The following RTF1 variants were observed in gnomAD, a reference collection of about 807,000 sequenced individuals.
RTF1 encodes the protein RTF1 homolog, Paf1/RNA polymerase II complex component.
A neutral mutation model predicts 95.7 loss-of-function variants in RTF1; 10 were observed. The observed-to-expected ratio is 0.10, with a 90% CI of 0.06 to 0.18. The LOEUF (loss-of-function observed/expected upper bound fraction) is 0.18. RTF1 is among the 10% of genes least tolerant of loss of function. RTF1 has a pLI of 1.00. For missense variants in RTF1, 458 were observed against 875.6 expected, an observed-to-expected ratio of 0.52 and a Z score of 6.02; for synonymous variants, 305 against 311.8, an observed-to-expected ratio of 0.98 and a Z score of 0.23.
intron 1 of RTF1, among the ~76,000 whole-genome samples, chr15:41,424,071 A>G (rs1039614741): frequency 5.9e-5 from 9 of 152,152 alleles, no homozygotes; most frequent in African/African-American, 2.2e-4. Flanking sequence ...TCATCGTTCA[A>G]CAGATGTATT....
intron 14 of RTF1, 56 bp from the exon 15 acceptor site, chr15:41,478,492 G>A: frequency 2.3e-6 from 3 of 1,301,952 alleles, no homozygotes; most frequent in Non-Finnish European, 3.3e-6. Context: ...TGAGCTTATG[G>A]TGAATGAGAG....
In RTF1 at chr15:41,475,708, C is replaced by A; in HGVS notation, c.1375-4C>A. 1 of 1,606,892 alleles carries A rather than the reference C, an allele frequency of 6.2e-7. No individual in the cohort carries two copies. Among genetic ancestry groups the A allele is most frequent in the South Asian group, 1.1e-5 (1 of 90,818 alleles). ...AATAATCTCGTATCGTGTTTTTGAT[C>A]CAGATGTTCTCTGCTGGCATGCAGT... On this transcript the variant is annotated splice_polypyrimidine_tract_variant and splice_region_variant and intron_variant, in intron 10 of 17. Coordinates refer to ENST00000389629, the MANE Select transcript of RTF1 (RefSeq NM_015138.5).
At position 41,417,178 on chromosome 15, in the gene RTF1, G is replaced by T; in HGVS notation, c.63G>T (p.Leu21=). 7.9e-7 allele frequency: 1 copy of T among 1,264,574 alleles called. No individual in the cohort carries two copies. The highest frequency in any genetic ancestry group is 1.0e-6 in the Non-Finnish European group (1 of 1,000,652). The allele number at this position is 1,264,574 out of a possible 1,614,324, so 78.3% of individuals were successfully genotyped here. Residue 21 remains leucine, a synonymous_variant, in exon 1 of 18, where the codon CTG becomes CTT. Coordinates refer to ENST00000389629, the MANE Select transcript of RTF1 (RefSeq NM_015138.5). ...CGGCGGCGGCAGTGGCGGTCCCACT[G>T]GCAGGCGGGCAAGAGGGGAGTCCGG... ...AAAAAAVAVP[L]AGGQEGSPGG... is the part of the protein sequence containing the mutation.
chr15:41,449,294 G>A (rs562336619), intron 2 of RTF1, among the ~76,000 whole-genome samples: 12 of 142,394 alleles, frequency 8.4e-5, no homozygotes, highest in East Asian at 2.0e-4. Flanking sequence ...GCAGTGGTAC[G>A]AACTCGGCTC....
chr15:41,431,926 G>A (rs918030940), intron 1 of RTF1, among the ~76,000 whole-genome samples: 12 of 151,800 alleles, frequency 7.9e-5, no homozygotes, highest in African/African-American at 2.7e-4. Flanking sequence ...TCAGCCTCCC[G>A]AGTAGCTAGA....
intron 2 of RTF1, among the ~76,000 whole-genome samples, chr15:41,443,929 G>T (rs1207180261): frequency 6.6e-6 from 1 of 151,738 alleles, no homozygotes; most frequent in Non-Finnish European, 1.5e-5. Context: ...TTAGCCGGGC[G>T]TGGTGGCGGG....
chr15:41,434,466 T>G (rs1261164886), intron 1 of RTF1, among the ~76,000 whole-genome samples: 1 of 152,102 alleles, frequency 6.6e-6, no homozygotes, highest in Non-Finnish European at 1.5e-5. Flanking sequence ...TGATTCCATC[T>G]ATATGATGTT....
chr15:41,454,872 C>T (rs1237034431), intron 3 of RTF1, among the ~76,000 whole-genome samples: 1 of 152,080 alleles, frequency 6.6e-6, no homozygotes, highest in African/African-American at 2.4e-5. Flanking sequence ...GTTGCACTAG[C>T]CACATTTGAG....
At chr15:41,434,662 C>A (rs1239737277) in intron 1 of RTF1, among the ~76,000 whole-genome samples, 2 of 149,788 alleles carry the variant, frequency 1.3e-5, no homozygotes, top group East Asian at 3.9e-4. Context: ...GAGTCTTGCA[C>A]TGTCACCCGG....
chr15:41,474,243 C>T (rs2050930927), intron 8 of RTF1, among the ~76,000 whole-genome samples: 1 of 152,180 alleles, frequency 6.6e-6, no homozygotes, highest in Non-Finnish European at 1.5e-5. Context: ...GTATGAGGAC[C>T]TGCAGCCATG....
chr15:41,444,493 C>T (rs1386521859), intron 2 of RTF1, among the ~76,000 whole-genome samples: 2 of 151,980 alleles, frequency 1.3e-5, no homozygotes, highest in African/African-American at 4.8e-5. Flanking sequence ...TGGGGTTTCA[C>T]CGTGTTACCC....
intron 15 of RTF1, 41 bp downstream of exon 15, chr15:41,478,666 C>T (rs2050954580): frequency 6.3e-6 from 9 of 1,432,792 alleles, no homozygotes; most frequent in Non-Finnish European, 8.8e-6. Flanking sequence ...GACCTAGATT[C>T]TAGGACACAA....
At chr15:41,467,289 G>A (rs1037110572) in intron 6 of RTF1, among the ~76,000 whole-genome samples, 1 of 152,134 alleles carries the variant, frequency 6.6e-6, no homozygotes, top group Non-Finnish European at 1.5e-5. Context: ...AAGTATAAAA[G>A]GGGCAAGCAA....
intron 3 of RTF1, among the ~76,000 whole-genome samples, chr15:41,453,948 G>A (rs1439172611): frequency 3.3e-5 from 5 of 152,112 alleles, no homozygotes; most frequent in African/African-American, 1.2e-4. Flanking sequence ...GTCAAGGGCA[G>A]TTCCTGTTAA....
At chr15:41,425,163 C>T (rs971190518) in intron 1 of RTF1, among the ~76,000 whole-genome samples, 9 of 152,132 alleles carry the variant, frequency 5.9e-5, no homozygotes, top group South Asian at 2.1e-4. Flanking sequence ...ACTGCAGTGG[C>T]GCTGTCTCTG....
intron 12 of RTF1, 66 bp from the exon 13 acceptor site, chr15:41,477,099 G>A: frequency 6.2e-7 from 1 of 1,604,970 alleles, no homozygotes. Flanking sequence ...TGGAAGTAAG[G>A]GGATACTTGA....
At chr15:41,435,925 T>G (rs541341702) in intron 1 of RTF1, among the ~76,000 whole-genome samples, 33 of 152,182 alleles carry the variant, frequency 2.2e-4, no homozygotes, top group Non-Finnish European at 3.5e-4. Context: ...GAGCCAGGAT[T>G]CTGTCTGCCG....
chr15:41,474,787 C>G, intron 9 of RTF1, 85 bp downstream of exon 9: 1 of 970,182 alleles, frequency 1.0e-6, no homozygotes, highest in Non-Finnish European at 1.7e-6. Context: ...GTGTGATGTT[C>G]CTTGTTACCA....
At chr15:41,443,864 G>A (rs537137178) in intron 2 of RTF1, among the ~76,000 whole-genome samples, 10 of 152,040 alleles carry the variant, frequency 6.6e-5, no homozygotes, top group South Asian at 6.2e-4. Context: ...TCTGGAGCTC[G>A]AGACCATCCT....
Sources: gnomAD v4.1 joint callset for allele counts (sites outside exome capture counted in the v4.1 genomes callset) on GRCh38, gnomAD v4.1.1 for gene constraint, MANE v1.5 for transcripts, NCBI Gene and HGNC (gene_info 2026-07-23, HGNC 2026-07-21) for gene names.